IL23R: variants seen among roughly 807,000 people sequenced by gnomAD.
The protein encoded by IL23R is interleukin 23 receptor, also known as interleukin-23 receptor.
A neutral mutation model predicts 56.9 loss-of-function variants in IL23R; 34 were observed. That is an observed-to-expected ratio of 0.60 (90% CI 0.45 to 0.80). The LOEUF is 0.80. IL23R is among the 30% of genes least tolerant of loss of function. IL23R has a pLI of 0.00. For missense variants in IL23R, 635 were observed against 730.0 expected, an observed-to-expected ratio of 0.87 and a Z score of 1.50; for synonymous variants, 230 against 249.2, an observed-to-expected ratio of 0.92 and a Z score of 0.73.
chr1:67,201,190 G>C (rs1202016101), intron 5 of IL23R, among the ~76,000 whole-genome samples: 1 of 151,900 alleles, frequency 6.6e-6, no homozygotes, highest in African/African-American at 2.4e-5. Flanking sequence ...ATCACTTGAG[G>C]TCAGGATTTC....
At chr1:67,243,445 G>A (rs1651986824) in intron 9 of IL23R, among the ~76,000 whole-genome samples, 2 of 151,952 alleles carry the variant, frequency 1.3e-5, no homozygotes, top group Non-Finnish European at 2.9e-5. Context: ...TTCTCCTAAT[G>A]CTATCCCTCC....
intron 7 of IL23R, among the ~76,000 whole-genome samples, chr1:67,234,987 C>G (rs1051735556): frequency 3.0e-4 from 45 of 152,016 alleles, no homozygotes; most frequent in Non-Finnish European, 2.9e-4. Context: ...TGAGCCACTG[C>G]AACTGGCCAG....
intron 5 of IL23R, among the ~76,000 whole-genome samples, chr1:67,206,408 T>C (rs1383862609): frequency 6.6e-6 from 1 of 152,098 alleles, no homozygotes; most frequent in Non-Finnish European, 1.5e-5. Flanking sequence ...ACTCCTGGGC[T>C]CAAGTGACCC....
chr1:67,202,465 T>C (rs1648708608), intron 5 of IL23R, among the ~76,000 whole-genome samples: 1 of 152,232 alleles, frequency 6.6e-6, no homozygotes, highest in Admixed American at 6.5e-5. Context: ...CTCAAACTCC[T>C]GAGTTCAGGC....
At chr1:67,140,497 G>C (rs982095886) in intron 1 of IL23R, among the ~76,000 whole-genome samples, 7 of 152,130 alleles carry the variant, frequency 4.6e-5, no homozygotes, top group African/African-American at 1.7e-4. Context: ...TGTACATTAA[G>C]CCAATAAAAT....
At chr1:67,215,664 A>T (rs563255041) in intron 6 of IL23R, among the ~76,000 whole-genome samples, 1 of 152,206 alleles carries the variant, frequency 6.6e-6, no homozygotes, top group South Asian at 2.1e-4. Context: ...TCAAAATGTC[A>T]TCAAGGCTCT....
chr1:67,162,258 G>A (rs1394544372), upstream of IL23R, among the ~76,000 whole-genome samples: 1 of 151,934 alleles, frequency 6.6e-6, no homozygotes, highest in Non-Finnish European at 1.5e-5. Flanking sequence ...GAAGTCAGGA[G>A]ATTGAGACCA....
chr1:67,224,600 T>C (rs969063320), intron 7 of IL23R, among the ~76,000 whole-genome samples: 1 of 152,244 alleles, frequency 6.6e-6, no homozygotes, highest in African/African-American at 2.4e-5. Flanking sequence ...GTGCCTGGCT[T>C]GGCCATTAAA....
intron 5 of IL23R, among the ~76,000 whole-genome samples, chr1:67,205,875 CTTT>C (rs1648971238): frequency 3.4e-5 from 1 of 29,220 alleles, no homozygotes; most frequent in South Asian, 2.9e-3. Context: ...GAACATCCAT[CTTT>C]CTTTCTTTCT....
In IL23R at chr1:67,200,758, A is replaced by C. The variant is rs1648571323; in HGVS notation, c.513A>C (p.Gln171His). ...HVKSLETEEEQQYLTSSYINI... is the reference protein window; with the variant it reads ...HVKSLETEEEHQYLTSSYINI... ...TAAGTTTAGAGACAGAAGAAGAGCA[A>C]CAGTATCTCACCTCAAGCTATATTA... Residue 171 changes from glutamine (Q) to histidine (H), a missense_variant, in exon 5 of 11, where the codon CAA becomes CAC. By Grantham distance (24) the Gln-to-His change is conservative. Transcript: ENST00000347310. 4 of 1,614,008 alleles carry C rather than the reference A, an allele frequency of 2.5e-6. No homozygotes were observed. The highest frequency in any genetic ancestry group is 3.4e-6 in the Non-Finnish European group (4 of 1,179,926).
chr1:67,185,332 G>A (rs1047006768), intron 4 of IL23R, among the ~76,000 whole-genome samples: 1 of 152,154 alleles, frequency 6.6e-6, no homozygotes, highest in African/African-American at 2.4e-5. Context: ...GGACCAGATC[G>A]CAGGGCATAT....
intron 1 of IL23R, among the ~76,000 whole-genome samples, chr1:67,140,723 T>C (rs994161118): frequency 6.6e-6 from 1 of 152,192 alleles, no homozygotes; most frequent in Non-Finnish European, 1.5e-5. Context: ...GTAACGATGA[T>C]TTTTATTTAA....
intron 4 of IL23R, among the ~76,000 whole-genome samples, chr1:67,200,142 C>A (rs558577803): frequency 4.6e-5 from 7 of 152,272 alleles, no homozygotes; most frequent in African/African-American, 1.7e-4. Context: ...TGGGTTCACG[C>A]CATTCTCCTG....
chr1:67,143,052 AT>A (rs947470174), intron 1 of IL23R, among the ~76,000 whole-genome samples: 16 of 151,484 alleles, frequency 1.1e-4, no homozygotes, highest in African/African-American at 3.4e-4. Flanking sequence ...TGAGAGATTA[AT>A]TTTTTTTTCA....
At chr1:67,263,112 CTTTTTT>C (rs66482004), downstream of IL23R, among the ~76,000 whole-genome samples, 1,104 of 98,856 alleles carry the variant, frequency 0.011, 9 homozygotes, top group African/African-American at 0.042. Flanking sequence ...AATTTCTTTC[CTTTTTT>C]TTTTTTTTTT....
chr1:67,239,255 G>T (rs963814010), intron 8 of IL23R, among the ~76,000 whole-genome samples: 1 of 152,032 alleles, frequency 6.6e-6, no homozygotes, highest in Non-Finnish European at 1.5e-5. Context: ...AAAAGCATTG[G>T]TTTTGTTTGT....
intron 1 of IL23R, among the ~76,000 whole-genome samples, chr1:67,143,853 T>A (rs1173474619): frequency 6.6e-6 from 1 of 152,120 alleles, no homozygotes; most frequent in Non-Finnish European, 1.5e-5. Context: ...TAAGTAAATG[T>A]GTGTTTGTGT....
rs528163468 is a variant in IL23R, at chr1:67,202,466, G to C, written c.652+1569G>C. On this transcript the variant is annotated intron_variant, in intron 5 of 10. Transcript: ENST00000347310. ...TTGGCCAGGCTGGTCTCAAACTCCTGAGTTCAGGCAATCCTCCCACCTCAG... is the reference window on the plus strand; with the variant it reads ...TTGGCCAGGCTGGTCTCAAACTCCTCAGTTCAGGCAATCCTCCCACCTCAG... Among the ~76,000 whole-genome samples, 6 of 152,312 alleles carry C rather than the reference G, an allele frequency of 3.9e-5. No homozygotes were observed. The South Asian group carries it at 1.2e-3, about 32-fold the overall frequency.
chr1:67,139,332 C>T (rs552257395), intron 1 of IL23R, among the ~76,000 whole-genome samples: 2 of 152,314 alleles, frequency 1.3e-5, no homozygotes, highest in Non-Finnish European at 2.9e-5. Context: ...CAGTCATTTA[C>T]TTTTGCTAGG....
Sources: allele counts gnomAD v4.1 joint callset (sites outside exome capture counted in the v4.1 genomes callset), GRCh38; gene constraint gnomAD v4.1.1; transcripts MANE v1.5; gene names NCBI Gene and HGNC (gene_info 2026-07-23, HGNC 2026-07-21).